The following ANKRD50 variants were observed in gnomAD, a reference collection of about 807,000 sequenced individuals.
ANKRD50 encodes ankyrin repeat domain-containing protein 50.
ANKRD50 carries 40 observed loss-of-function variants against 112.0 expected under a neutral mutation model. The observed-to-expected ratio is 0.36, with a 90% CI of 0.28 to 0.46. The LOEUF (loss-of-function observed/expected upper bound fraction) is 0.46. Among genes scored for constraint, ANKRD50 ranks in the 20% least tolerant of loss-of-function variants. ANKRD50 has a pLI of 1.00. For synonymous variants in ANKRD50, 613 were observed against 619.1 expected, an observed-to-expected ratio of 0.99 and a Z score of 0.15; for missense variants, 1,487 against 1,701.7, an observed-to-expected ratio of 0.87 and a Z score of 2.22.
chr4:124,679,006 T>A (rs1016978325), intron 2 of ANKRD50, 101 bp from the exon 3 acceptor site: 2 of 902,304 alleles, frequency 2.2e-6, no homozygotes, highest in African/African-American at 3.4e-5. Flanking sequence ...TCTTTAAGAA[T>A]AAAATAAGGT....
chr4:124,696,877 ATT>A (rs1157981292), intron 2 of ANKRD50, among the ~76,000 whole-genome samples: 1 of 152,190 alleles, frequency 6.6e-6, no homozygotes, highest in Non-Finnish European at 1.5e-5. Context: ...CATAAAAATT[ATT>A]TGAGGATCTA....
At chr4:124,699,249 G>C (rs1477581745) in intron 2 of ANKRD50, among the ~76,000 whole-genome samples, 1 of 134,360 alleles carries the variant, frequency 7.4e-6, no homozygotes, top group Non-Finnish European at 1.6e-5. Flanking sequence ...TTTAGAAGCA[G>C]ATATGATAAA....
Position 124,710,214 on chromosome 4 carries a change from G to A in ANKRD50, c.298C>T (p.Gln100Ter). Residue 100 changes from glutamine (Q) to a stop codon, truncating the protein, a stop_gained, in exon 2 of 5, where the codon CAG (glutamine) becomes TAG (stop). Coordinates refer to ENST00000504087, the MANE Select transcript of ANKRD50 (RefSeq NM_020337.3). LOFTEE classifies it high-confidence loss of function. Reference protein sequence around the residue: ...LLWPSSPASLQRGLHRQALAF... With the variant: ...LLWPSSPASL ...AAAGCTTGGCGATGTAAACCTCTCT[G>A]CAAACTTGCAGGTGAACTTGGCCAT... 1 of 1,614,178 alleles carries A rather than the reference G, an allele frequency of 6.2e-7. No homozygotes were observed. The highest frequency in any genetic ancestry group is 8.5e-7 in the Non-Finnish European group (1 of 1,180,038).
At chr4:124,680,483 A>C (rs552135872) in intron 2 of ANKRD50, among the ~76,000 whole-genome samples, 1 of 152,312 alleles carries the variant, frequency 6.6e-6, no homozygotes, top group East Asian at 1.9e-4. Context: ...AGTTTTGAGG[A>C]AACAATCATA....
At chr4:124,677,400 C>T (rs1046861957) in intron 3 of ANKRD50, among the ~76,000 whole-genome samples, 1 of 151,298 alleles carries the variant, frequency 6.6e-6, no homozygotes, top group Non-Finnish European at 1.5e-5. Context: ...AACAGGATAA[C>T]GGAAAAATAA....
rs1560818733 is a variant in ANKRD50 at position 124,671,028 on chromosome 4, G to A, written c.2249C>T (p.Thr750Ile). Residue 750 changes from threonine (T) to isoleucine (I), a missense_variant, in exon 4 of 5, where the codon ACT (threonine) becomes ATT (isoleucine). By Grantham distance (89) the Thr-to-Ile change is moderately conservative (BLOSUM62 -1). Transcript: ENST00000504087. ...TTCATAGGCAGCTACCAGCAGTGGA[G>A]TCATGCCATCTTTATCACAATGATC... ...EVDHCDKDGMTPLLVAAYEGH... is the reference protein window; with the variant it reads ...EVDHCDKDGMIPLLVAAYEGH... The A allele has an allele frequency of 6.2e-7, 1 of 1,613,800 alleles. No homozygotes were observed. Among genetic ancestry groups the A allele is most frequent in the Non-Finnish European group, 8.5e-7 (1 of 1,179,864 alleles).
At chr4:124,681,218 T>C (rs989050524) in intron 2 of ANKRD50, among the ~76,000 whole-genome samples, 5 of 152,202 alleles carry the variant, frequency 3.3e-5, no homozygotes, top group Non-Finnish European at 5.9e-5. Flanking sequence ...TTCAGTGCTC[T>C]ATATGCTTTA....
intron 1 of ANKRD50, among the ~76,000 whole-genome samples, chr4:124,711,760 T>A (rs868579720): frequency 3.5e-5 from 5 of 144,056 alleles, no homozygotes; most frequent in African/African-American, 1.0e-4. Flanking sequence ...GGAAACGGTT[T>A]AAAAAAAAAA....
Position 124,669,594 on chromosome 4 carries a change from C to T in ANKRD50, c.3683G>A (p.Ser1228Asn). ...IQQHSLPRSR[S>N]RQSIVSPSST... ...AGATGGGGAAACAATTGACTGTCGA[C>T]TTCTACTGCGTGGCAATGAATGCTG... Residue 1228 changes from serine to asparagine, a missense_variant, in exon 4 of 5, where the codon AGT becomes AAT. This residue lies in a region of ANKRD50 where 441 missense variants were observed against 432.2 expected (regional missense o/e 1.02). Transcript: ENST00000504087. 1.9e-6 allele frequency: 3 copies of T among 1,613,596 alleles called. No individual in the cohort carries two copies. The highest frequency in any genetic ancestry group is 2.5e-6 in the Non-Finnish European group (3 of 1,179,842).
At chr4:124,690,199 T>C (rs1725103697) in intron 2 of ANKRD50, among the ~76,000 whole-genome samples, 1 of 152,188 alleles carries the variant, frequency 6.6e-6, no homozygotes, top group African/African-American at 2.4e-5. Context: ...TGCCAAAATG[T>C]GGCAAAAACT....
chr4:124,697,019 C>T (rs1725270164), intron 2 of ANKRD50, among the ~76,000 whole-genome samples: 1 of 152,134 alleles, frequency 6.6e-6, no homozygotes, highest in Admixed American at 6.5e-5. Flanking sequence ...TCAATTACTG[C>T]ACTGGTACTT....
Position 124,670,881 on chromosome 4 carries a change from G to A in ANKRD50, c.2396C>T (p.Thr799Ile). 1.2e-6 allele frequency: 2 copies of A among 1,613,828 alleles called. No homozygotes were observed. The highest frequency in any genetic ancestry group is 2.2e-5 in the South Asian group (2 of 91,078). The change falls in exon 4 of 5, where the codon ACA becomes ATA. Residue 799 changes from threonine (T) to isoleucine (I), a missense_variant. Around this residue, in one of 2 missense-constraint regions of ANKRD50, gnomAD observed 1,046 missense variants for 1,269.5 expected, o/e 0.82. Coordinates refer to ENST00000504087, the MANE Select transcript of ANKRD50 (RefSeq NM_020337.3). The part of the protein sequence containing the change: ...ASMGHASVVN[T>I]LLFWGAAVDS... ...CACAGCTGCACCCCAAAACAAAAGT[G>A]TATTTACAACTGATGCATGACCCAT... is the stretch of plus-strand genomic sequence containing the variant.
chr4:124,687,009 A>G (rs1216328428), intron 2 of ANKRD50, among the ~76,000 whole-genome samples: 1 of 152,214 alleles, frequency 6.6e-6, no homozygotes, highest in Non-Finnish European at 1.5e-5. Flanking sequence ...GACATACGGT[A>G]TGTGGCTTCA....
intron 2 of ANKRD50, among the ~76,000 whole-genome samples, chr4:124,702,046 C>G (rs1725405189): frequency 6.6e-6 from 1 of 152,100 alleles, no homozygotes; most frequent in South Asian, 2.1e-4. Flanking sequence ...CTCACTTGTC[C>G]ATATTCCCTA....
At chr4:124,672,668 C>T in intron 3 of ANKRD50, 134 bp from the exon 4 acceptor site, 1 of 611,398 alleles carries the variant, frequency 1.6e-6, no homozygotes, top group Non-Finnish European at 2.6e-6. Flanking sequence ...TCAATTAATA[C>T]CTATTAGTAT....
chr4:124,710,468 G>A lies in ANKRD50; in HGVS notation c.44C>T (p.Thr15Ile). The A allele has an allele frequency of 3.7e-6, 6 of 1,613,806 alleles. No homozygotes were observed. The highest frequency in any genetic ancestry group is 5.1e-6 in the Non-Finnish European group (6 of 1,179,980). ...WEEKVCKMAQ[T>I]SLLQGKQFYC... ...AAACTGCTTCCCTTGCAGTAAACTG[G>A]TTTGAGCCATTTTGCAGACTTTCTC... Residue 15 changes from threonine to isoleucine, a missense_variant, in exon 2 of 5, where the codon ACC becomes ATC. Around this residue, in one of 2 missense-constraint regions of ANKRD50, gnomAD observed 1,046 missense variants for 1,269.5 expected, o/e 0.82. Transcript: ENST00000504087.
At position 124,667,443 on chromosome 4, in the gene ANKRD50, C is replaced by T. The variant is rs1299244115; in HGVS notation, c.*75G>A. On this transcript the variant is annotated 3_prime_UTR_variant, in exon 5 of 5. Coordinates refer to ENST00000504087, the MANE Select transcript of ANKRD50 (RefSeq NM_020337.3). ...TTTTTTTGTTTTTTCAGCAAATCAACAGGCATATGTTTCCATCCAGTAGCT... is the reference window on the plus strand; with the variant it reads ...TTTTTTTGTTTTTTCAGCAAATCAATAGGCATATGTTTCCATCCAGTAGCT... 6.6e-6 allele frequency: 1 copy of T among 151,948 alleles called. No individual in the cohort carries two copies. Among genetic ancestry groups the T allele is most frequent in the African/African-American group, 2.4e-5 (1 of 41,416 alleles). The allele number at this position is 151,948 out of a possible 1,614,324, so 9.4% of individuals were successfully genotyped here. A position where few individuals can be genotyped will look rare whatever the true frequency, so the allele number is the denominator to read the frequency against.
chr4:124,666,036 C>G lies in ANKRD50; in HGVS notation c.*1482G>C, dbSNP rs1347654477. The G allele has an allele frequency of 6.6e-6, 1 of 151,926 alleles. No individual in the cohort carries two copies. Among genetic ancestry groups the G allele is most frequent in the Non-Finnish European group, 1.5e-5 (1 of 67,914 alleles). 9.4% of individuals were successfully genotyped at this position (151,926 alleles called of 1,614,324 possible). A position where few individuals can be genotyped will look rare whatever the true frequency, so the allele number is the denominator to read the frequency against. The stretch of plus-strand genomic sequence containing the variant: ...GTGCTGAATCTCCAAATTCTCTTTC[C>G]TCATTCCTCATCAACAGTACATGAA... On this transcript the variant is annotated 3_prime_UTR_variant, in exon 5 of 5. Coordinates refer to ENST00000504087, the MANE Select transcript of ANKRD50 (RefSeq NM_020337.3).
At chr4:124,706,620 A>C (rs1560602841) in intron 2 of ANKRD50, among the ~76,000 whole-genome samples, 1 of 152,094 alleles carries the variant, frequency 6.6e-6, no homozygotes, top group African/African-American at 2.4e-5. Flanking sequence ...AATAACTGAG[A>C]TTTTTTCATT....
Sources: gnomAD v4.1 joint callset for allele counts (sites outside exome capture counted in the v4.1 genomes callset) on GRCh38, gnomAD v4.1.1 for gene constraint, gnomAD v4.1.1 regional missense constraint, MANE v1.5 for transcripts, NCBI Gene and HGNC (gene_info 2026-07-23, HGNC 2026-07-21) for gene names.